Variants in NDRG1 observed in about 807,000 individuals in gnomAD.
The protein encoded by NDRG1 is N-myc downstream regulated 1, also known as protein NDRG1.
In NDRG1, 32 loss-of-function variants were observed where a neutral mutation model predicts 56.9. The observed-to-expected ratio is 0.56, with a 90% confidence interval of 0.42 to 0.76. The LOEUF is 0.76. NDRG1 is among the 30% of genes least tolerant of loss of function. The pLI is 0.00. For synonymous variants in NDRG1, 211 were observed against 204.1 expected, an observed-to-expected ratio of 1.03 and a Z score of -0.29; for missense variants, 507 against 545.7, an observed-to-expected ratio of 0.93 and a Z score of 0.71.
Position 133,284,479 on chromosome 8 carries a change from T to C in NDRG1, c.-18-150A>G, listed in dbSNP as rs7816664. 166,664 of 693,108 alleles carry C rather than the reference T, an allele frequency of 0.24. 24,919 individuals are homozygous for C. The highest frequency in any genetic ancestry group is 0.52 in the African/African-American group (29,304 of 56,768). The allele number at this position is 693,108 out of a possible 1,614,324, so 42.9% of individuals were successfully genotyped here. On this transcript the variant is annotated intron_variant, in intron 1 of 15. Transcript: ENST00000323851. Reference sequence around the variant, plus strand: ...TGATGCACTGCAGGGGATGAGGAGGTCCCTTGTACACACAGCCCATGGACC... The same window carrying C: ...TGATGCACTGCAGGGGATGAGGAGGCCCCTTGTACACACAGCCCATGGACC...
chr8:133,292,901 G>A (rs1008530067), intron 1 of NDRG1, among the ~76,000 whole-genome samples: 3 of 152,208 alleles, frequency 2.0e-5, no homozygotes, highest in South Asian at 2.1e-4. Context: ...AAGAAAACCC[G>A]CTGGACTCAA....
chr8:133,274,020 G>A (rs776984003), intron 3 of NDRG1, among the ~76,000 whole-genome samples: 21 of 152,038 alleles, frequency 1.4e-4, no homozygotes, highest in Non-Finnish European at 2.4e-4. Flanking sequence ...CCAGCAGCCC[G>A]CCCACCCCGT....
intron 7 of NDRG1, 68 bp downstream of exon 7, chr8:133,258,298 T>C (rs1213876991): frequency 6.6e-7 from 1 of 1,509,150 alleles, no homozygotes; most frequent in Non-Finnish European, 9.1e-7. Flanking sequence ...TTGATGCTTT[T>C]CCAATGTCTT....
At chr8:133,276,398 A>G (rs1315295041) in intron 3 of NDRG1, among the ~76,000 whole-genome samples, 1 of 152,210 alleles carries the variant, frequency 6.6e-6, no homozygotes, top group Admixed American at 6.5e-5. Context: ...CAAGATTTTA[A>G]AATCCAAAAT....
At chr8:133,270,957 T>C (rs61077405) in intron 3 of NDRG1, among the ~76,000 whole-genome samples, 2,733 of 152,276 alleles carry the variant, frequency 0.018, 75 homozygotes, top group African/African-American at 0.061. Context: ...GACCTGAATG[T>C]GTTTTGCAAG....
rs765464953 is a variant in NDRG1, at chr8:133,274,128, G to A, written c.99+6104C>T. 3.3e-5 allele frequency among the ~76,000 whole-genome samples: 5 copies of A among 152,088 alleles called. No individual in the cohort carries two copies. In the East Asian group the frequency reaches 5.8e-4, roughly 18 times the overall value. Reference sequence around the variant, plus strand: ...ATGCAAATCACCAATCACTTTGCCCGAACATCACCCAGGACAAAACAAAGA... The same window carrying A: ...ATGCAAATCACCAATCACTTTGCCCAAACATCACCCAGGACAAAACAAAGA... On this transcript the variant is annotated intron_variant, in intron 3 of 15. Transcript: ENST00000323851.
intron 10 of NDRG1, 34 bp from the exon 11 acceptor site, chr8:133,248,805 C>A (rs571198085): frequency 2.5e-6 from 4 of 1,613,482 alleles, no homozygotes; most frequent in Admixed American, 1.7e-5. Context: ...AGCATGAGGA[C>A]CCCTCCCCTG....
rs576876313 is a variant in NDRG1 at position 133,237,558 on chromosome 8, G to A, written c.*1320C>T. The stretch of plus-strand genomic sequence containing the variant: ...GCAGCCGCACTGGCCGCCCAGAAAC[G>A]TCAGTGGTGCTGCCCCATTCGGCGA... On this transcript the variant is annotated 3_prime_UTR_variant, in exon 16 of 16. Coordinates refer to ENST00000323851, the MANE Select transcript of NDRG1 (RefSeq NM_006096.4). The A allele has an allele frequency of 8.1e-5, 19 of 233,264 alleles. No individual in the cohort carries two copies. The highest frequency in any genetic ancestry group is 1.3e-3 in the Middle Eastern group (1 of 784). The allele number at this position is 233,264 out of a possible 1,614,324, so 14.4% of individuals were successfully genotyped here. A position where few individuals can be genotyped will look rare whatever the true frequency, so the allele number is the denominator to read the frequency against.
At chr8:133,248,028 A>C in intron 11 of NDRG1, 102 bp from the exon 12 acceptor site, 5 of 1,192,880 alleles carry the variant, frequency 4.2e-6, no homozygotes, top group Non-Finnish European at 6.3e-6. Flanking sequence ...AAACAATGTC[A>C]TTTTGGTTTC....
intron 1 of NDRG1, among the ~76,000 whole-genome samples, chr8:133,288,740 C>T (rs1432253490): frequency 6.6e-6 from 1 of 152,238 alleles, no homozygotes; most frequent in Non-Finnish European, 1.5e-5. Flanking sequence ...TCCTAGCCCA[C>T]CAGCCCCACC....
intron 15 of NDRG1, 192 bp from the exon 16 acceptor site, chr8:133,239,311 G>A (rs1001243837): frequency 3.0e-5 from 27 of 896,094 alleles, no homozygotes; most frequent in African/African-American, 1.5e-4. Flanking sequence ...GCCCAGATGC[G>A]GGAAGGAACT....
At chr8:133,269,877 T>G (rs1026698714) in intron 3 of NDRG1, among the ~76,000 whole-genome samples, 2 of 152,260 alleles carry the variant, frequency 1.3e-5, no homozygotes, top group African/African-American at 4.8e-5. Flanking sequence ...TAATATCTGC[T>G]GCTCCCATCC....
intron 7 of NDRG1, among the ~76,000 whole-genome samples, chr8:133,258,155 T>C (rs1856475060): frequency 6.6e-6 from 1 of 151,998 alleles, no homozygotes; most frequent in Non-Finnish European, 1.5e-5. Context: ...CAAAGGAATG[T>C]GTCCAGTATC....
At chr8:133,261,819 G>A (rs1404453100) in intron 5 of NDRG1, among the ~76,000 whole-genome samples, 1 of 152,168 alleles carries the variant, frequency 6.6e-6, no homozygotes, top group Admixed American at 6.5e-5. Context: ...GGTGACGGCT[G>A]CACAACAATG....
At chr8:133,273,967 A>T (rs1857328749) in intron 3 of NDRG1, among the ~76,000 whole-genome samples, 1 of 152,192 alleles carries the variant, frequency 6.6e-6, no homozygotes, top group East Asian at 1.9e-4. Flanking sequence ...CTCTCAGCCG[A>T]GCCAGATCAG....
intron 12 of NDRG1, among the ~76,000 whole-genome samples, 197 bp downstream of exon 12, chr8:133,247,678 C>T (rs1252817623): frequency 6.6e-6 from 1 of 152,236 alleles, no homozygotes; most frequent in Admixed American, 6.5e-5. Flanking sequence ...CACTGCCAAG[C>T]AACCAGGGCT....
intron 2 of NDRG1, among the ~76,000 whole-genome samples, chr8:133,282,924 C>T (rs1857895013): frequency 6.6e-6 from 1 of 152,202 alleles, no homozygotes; most frequent in African/African-American, 2.4e-5. Flanking sequence ...ATGAACTTGA[C>T]CAATCCCCTT....
At chr8:133,278,585 C>T (rs891923069) in intron 3 of NDRG1, among the ~76,000 whole-genome samples, 2 of 152,114 alleles carry the variant, frequency 1.3e-5, no homozygotes, top group African/African-American at 4.8e-5. Flanking sequence ...CCTGGTCAGG[C>T]AGAGCTAGGT....
intron 15 of NDRG1, 22 bp from the exon 16 acceptor site, chr8:133,239,141 G>A (rs763206337): frequency 2.8e-5 from 44 of 1,551,046 alleles, no homozygotes; most frequent in African/African-American, 4.1e-5. Flanking sequence ...AGAGACAGCC[G>A]GTTAGAGGGC....
Sources: gnomAD v4.1 joint callset for allele counts (sites outside exome capture counted in the v4.1 genomes callset) on GRCh38, gnomAD v4.1.1 for gene constraint, MANE v1.5 for transcripts, NCBI Gene and HGNC (gene_info 2026-07-23, HGNC 2026-07-21) for gene names.